Variants in NPHS2 observed in about 807,000 individuals in gnomAD.
NPHS2 encodes NPHS2 stomatin family member, podocin.
Under a neutral mutation model 37.1 loss-of-function variants are expected in NPHS2, and 36 were observed. The ratio of observed to expected loss-of-function variants is 0.97; its 90% CI spans 0.74 to 1.28. NPHS2 has a LOEUF of 1.28. NPHS2 is among the 50% of genes most tolerant of loss of function. The pLI, the probability that NPHS2 is intolerant of heterozygous loss-of-function variation, is 0.00. For missense variants in NPHS2, 447 were observed against 488.1 expected, an observed-to-expected ratio of 0.92 and a Z score of 0.79; for synonymous variants, 196 against 189.3, an observed-to-expected ratio of 1.04 and a Z score of -0.29.
At chr1:179,559,301 A>C (rs1674047506) in intron 4 of NPHS2, among the ~76,000 whole-genome samples, 1 of 152,196 alleles carries the variant, frequency 6.6e-6, no homozygotes, top group South Asian at 2.1e-4. Flanking sequence ...TCACAGTAAC[A>C]TCCAGATGTG....
chr1:179,552,828 A>C, intron 6 of NPHS2, 147 bp from the exon 7 acceptor site: 1 of 699,724 alleles, frequency 1.4e-6, no homozygotes, highest in East Asian at 2.7e-5. Context: ...TAGACTTCTG[A>C]GGTCAAAAGT....
rs1304651303 is a variant in NPHS2 at position 179,554,465 on chromosome 1, T to A, written c.794+11A>T. 1.2e-6 allele frequency: 2 copies of A among 1,614,024 alleles called. No individual in the cohort carries two copies. The highest frequency in any genetic ancestry group is 1.7e-6 in the Non-Finnish European group (2 of 1,180,016). On this transcript the variant is annotated intron_variant, in intron 6 of 7. Coordinates refer to ENST00000367615, the MANE Select transcript of NPHS2 (RefSeq NM_014625.4). The stretch of plus-strand genomic sequence containing the variant: ...TATCATACAGTTCTTGCTAGTTAAT[T>A]TCCTACCCACATTTCTATTCTCTCC...
chr1:179,561,527 A>C (rs764745761), intron 2 of NPHS2, among the ~76,000 whole-genome samples, 166 bp from the exon 3 acceptor site: 13 of 152,200 alleles, frequency 8.5e-5, no homozygotes, highest in Non-Finnish European at 1.5e-4. Flanking sequence ...TAAGTGTAAA[A>C]TTTCAGAAAT....
chr1:179,567,480 G>T (rs1370687903), intron 1 of NPHS2, among the ~76,000 whole-genome samples: 5 of 152,160 alleles, frequency 3.3e-5, no homozygotes. Context: ...AGATGATGGG[G>T]TTTTCTAAAT....
In NPHS2 at chr1:179,551,290, G is replaced by A. The variant is rs1673228791; in HGVS notation, c.1035C>T (p.Asp345=). The change falls in exon 8 of 8, where the codon GAC becomes GAT. Residue 345 remains aspartate (D), a synonymous_variant. Coordinates refer to ENST00000367615, the MANE Select transcript of NPHS2 (RefSeq NM_014625.4). ...TGGGAGAAGACAGGCAATTCAGTAG[G>A]TCAAATGGCAAAGGTAAAACCACAG... ...PSTVVLPLPF[D]LLNCLSSPSN... 1.9e-6 allele frequency: 3 copies of A among 1,614,012 alleles called. No individual in the cohort carries two copies. Among genetic ancestry groups the A allele is most frequent in the Non-Finnish European group, 1.7e-6 (2 of 1,180,016 alleles).
chr1:179,553,790 G>A (rs553015959), intron 6 of NPHS2, among the ~76,000 whole-genome samples: 38 of 152,054 alleles, frequency 2.5e-4, no homozygotes, highest in Admixed American at 1.7e-3. Flanking sequence ...TCTGTCACCC[G>A]GGCTGGAGTG....
intron 1 of NPHS2, among the ~76,000 whole-genome samples, chr1:179,565,303 G>A (rs549581120): frequency 1.3e-5 from 2 of 151,960 alleles, no homozygotes; most frequent in Non-Finnish European, 2.9e-5. Flanking sequence ...AAGGGAGTGG[G>A]GGTATACTGG....
Position 179,552,619 on chromosome 1 carries a change from C to G in NPHS2, c.857G>C (p.Arg286Thr). The G allele has an allele frequency of 6.2e-7, 1 of 1,613,764 alleles. No individual in the cohort carries two copies. The highest frequency in any genetic ancestry group is 8.5e-7 in the Non-Finnish European group (1 of 1,179,896). The change falls in exon 7 of 8, where the codon AGA becomes ACA. Residue 286 changes from arginine to threonine, a missense_variant. Coordinates refer to ENST00000367615, the MANE Select transcript of NPHS2 (RefSeq NM_014625.4). ...HSLAVEAEAQ[R>T]QAKVRMIAAE... ...AGTGCTCACCCGCACTTTGGCTTGT[C>G]TTTGCGCTTCAGCCTCCACAGCCAG...
chr1:179,568,266 C>T (rs1256804238), intron 1 of NPHS2, among the ~76,000 whole-genome samples: 1 of 152,134 alleles, frequency 6.6e-6, no homozygotes, highest in Non-Finnish European at 1.5e-5. Flanking sequence ...TTGACTTCTT[C>T]CTGGTTTAGT....
Position 179,556,922 on chromosome 1 carries a change from C to T in NPHS2, c.738+105G>A. Reference sequence around the variant, plus strand: ...AGCTATGAGCTCCCAAAGGGATGGCCCCTAAGGGATGGAACTGGCCATAGA... The same window carrying T: ...AGCTATGAGCTCCCAAAGGGATGGCTCCTAAGGGATGGAACTGGCCATAGA... On this transcript the variant is annotated intron_variant, in intron 5 of 7. Transcript: ENST00000367615. This position sits in a 1 kb window ranked among gnomAD's most constrained non-coding sequence, Gnocchi z 4.1. 2 of 1,117,994 alleles carry T rather than the reference C, an allele frequency of 1.8e-6. No homozygotes were observed. The highest frequency in any genetic ancestry group is 1.3e-5 in the South Asian group (1 of 74,584). The allele number at this position is 1,117,994 out of a possible 1,614,324, so 69.3% of individuals were successfully genotyped here.
At chr1:179,560,369 T>C (rs1417560323) in intron 3 of NPHS2, among the ~76,000 whole-genome samples, 1 of 152,162 alleles carries the variant, frequency 6.6e-6, no homozygotes, top group Non-Finnish European at 1.5e-5. Flanking sequence ...TTGGATTCTG[T>C]GGGCTCCTGC....
intron 2 of NPHS2, among the ~76,000 whole-genome samples, chr1:179,562,263 A>G (rs1449684708): frequency 6.6e-6 from 1 of 152,256 alleles, no homozygotes; most frequent in Admixed American, 6.5e-5. Context: ...TACTTTAAAA[A>G]TAAACTTCAC....
Position 179,552,638 on chromosome 1 carries a change from C to T in NPHS2, c.838G>A (p.Val280Met), listed in dbSNP as rs769104577. 4 of 1,614,002 alleles carry T rather than the reference C, an allele frequency of 2.5e-6. No individual in the cohort carries two copies. The South Asian group carries it at 4.4e-5, about 18-fold the overall frequency. The change falls in exon 7 of 8, where the codon GTG becomes ATG. Residue 280 changes from valine to methionine, a missense_variant. Physicochemically the swap from Val to Met is conservative, Grantham distance 21. Transcript: ENST00000367615. ...LPAGLQHSLA[V>M]EAEAQRQAKV... ...GCTTGTCTTTGCGCTTCAGCCTCCA[C>T]AGCCAGTGAGTGCTGAAGCCCAGCT... is the stretch of plus-strand genomic sequence containing the variant.
intron 1 of NPHS2, among the ~76,000 whole-genome samples, chr1:179,565,377 G>A (rs897049522): frequency 3.9e-5 from 6 of 152,204 alleles, no homozygotes; most frequent in African/African-American, 1.4e-4. Context: ...TTCATATCCA[G>A]ATGACCTTAG....
chr1:179,552,578 C>G, intron 7 of NPHS2, 25 bp downstream of exon 7: 1 of 1,601,358 alleles, frequency 6.2e-7, no homozygotes, highest in African/African-American at 1.3e-5. Flanking sequence ...AAAGGGCAGT[C>G]TGGGTGGGAG....
intron 1 of NPHS2, among the ~76,000 whole-genome samples, chr1:179,570,376 T>C (rs1158632908): frequency 6.6e-6 from 1 of 152,216 alleles, no homozygotes. Flanking sequence ...TTTCTATAGA[T>C]ATTAAATTAA....
At chr1:179,558,922 A>C (rs1432177946) in intron 4 of NPHS2, among the ~76,000 whole-genome samples, 2 of 152,072 alleles carry the variant, frequency 1.3e-5, no homozygotes, top group African/African-American at 4.8e-5. Flanking sequence ...ATGTCTGTTC[A>C]AGTTCGTATT....
chr1:179,565,112 A>G (rs1054789954), intron 1 of NPHS2, among the ~76,000 whole-genome samples: 1 of 152,088 alleles, frequency 6.6e-6, no homozygotes, highest in African/African-American at 2.4e-5. Flanking sequence ...CTGTACAAAA[A>G]AAAAATTAAA....
intron 1 of NPHS2, among the ~76,000 whole-genome samples, chr1:179,567,827 G>A (rs1252102950): frequency 6.6e-6 from 1 of 152,184 alleles, no homozygotes; most frequent in Non-Finnish European, 1.5e-5. Flanking sequence ...AGATAATCAT[G>A]TGGTTTTTGT....
Sources: allele counts gnomAD v4.1 joint callset (sites outside exome capture counted in the v4.1 genomes callset), GRCh38; gene constraint gnomAD v4.1.1; non-coding constraint Gnocchi (gnomAD v3.1); transcripts MANE v1.5; gene names NCBI Gene and HGNC (gene_info 2026-07-23, HGNC 2026-07-21).